FSIP1: variants seen among roughly 807,000 people sequenced by gnomAD.
FSIP1 encodes fibrous sheath-interacting protein 1.
Under a neutral mutation model 60.9 loss-of-function variants are expected in FSIP1, and 65 were observed. That is an observed-to-expected ratio of 1.07 (90% CI 0.87 to 1.31). The LOEUF is 1.31. FSIP1 is among the 40% of genes most tolerant of loss of function. The probability of loss-of-function intolerance (pLI) is 0.00; values close to 1 mark genes in which losing one functional copy is unlikely to be tolerated. For synonymous variants in FSIP1, 209 were observed against 221.2 expected (o/e 0.94, Z 0.49); for missense variants, 675 against 665.5 (o/e 1.01, Z -0.16).
intron 9 of FSIP1, among the ~76,000 whole-genome samples, chr15:39,716,876 G>A (rs1000934119): frequency 6.1e-5 from 9 of 146,656 alleles, no homozygotes; most frequent in South Asian, 2.2e-4. Context: ...GTGCAGTGGC[G>A]CAATCCTGGC....
intron 10 of FSIP1, among the ~76,000 whole-genome samples, chr15:39,686,730 G>C (rs1306839367): frequency 6.6e-6 from 1 of 152,190 alleles, no homozygotes; most frequent in East Asian, 1.9e-4. Flanking sequence ...AGTTTTAAAA[G>C]ATTTTTTAAA....
chr15:39,768,744 C>G (rs1897775407), intron 3 of FSIP1, among the ~76,000 whole-genome samples: 1 of 152,184 alleles, frequency 6.6e-6, no homozygotes, highest in Admixed American at 6.5e-5. Context: ...TGATACTACA[C>G]CAAAACTTAA....
At chr15:39,722,912 C>T (rs527931662) in intron 9 of FSIP1, among the ~76,000 whole-genome samples, 6 of 151,806 alleles carry the variant, frequency 4.0e-5, no homozygotes, top group African/African-American at 1.5e-4. Flanking sequence ...GCCTGGGTGA[C>T]AAGCGAGACC....
intron 9 of FSIP1, among the ~76,000 whole-genome samples, chr15:39,721,543 TCAGAGATCAAG>T (rs1250765431): frequency 1.3e-5 from 2 of 152,172 alleles, no homozygotes; most frequent in African/African-American, 4.8e-5. Flanking sequence ...TACCTTGAGG[TCAGAGATCAAG>T]CTTCATACTA....
chr15:39,597,706 A>G (rs956163108), downstream of FSIP1: 11 of 152,240 alleles, frequency 7.2e-5, no homozygotes, highest in Non-Finnish European at 1.3e-4. Flanking sequence ...AAAAACATAT[A>G]AAAGAGAAAT....
chr15:39,607,630 T>C (rs938322441), intron 11 of FSIP1, among the ~76,000 whole-genome samples: 4 of 152,242 alleles, frequency 2.6e-5, no homozygotes, highest in African/African-American at 9.6e-5. Flanking sequence ...CAAATCCTTA[T>C]TTTTCAATAC....
At chr15:39,706,953 T>C (rs1395252334) in intron 10 of FSIP1, among the ~76,000 whole-genome samples, 1 of 152,188 alleles carries the variant, frequency 6.6e-6, no homozygotes, top group Non-Finnish European at 1.5e-5. Context: ...TATTCTAATC[T>C]GTGTACAGTA....
chr15:39,617,333 A>G (rs949178154), intron 11 of FSIP1, among the ~76,000 whole-genome samples: 4 of 152,194 alleles, frequency 2.6e-5, no homozygotes, highest in Admixed American at 1.3e-4. Flanking sequence ...AACTAATATA[A>G]CCACAATGAG....
intron 10 of FSIP1, 141 bp from the exon 11 acceptor site, chr15:39,618,386 G>T: frequency 1.4e-6 from 1 of 703,986 alleles, no homozygotes; most frequent in Non-Finnish European, 2.3e-6. Flanking sequence ...TCATTGTAAA[G>T]TATCCAAAAC....
intron 10 of FSIP1, among the ~76,000 whole-genome samples, chr15:39,620,310 G>A (rs1891393575): frequency 6.6e-6 from 1 of 151,972 alleles, no homozygotes; most frequent in African/African-American, 2.4e-5. Flanking sequence ...AGAAACAAGG[G>A]GTGTTTGCAC....
At chr15:39,716,551 C>T (rs1348256367) in intron 9 of FSIP1, among the ~76,000 whole-genome samples, 3 of 152,150 alleles carry the variant, frequency 2.0e-5, no homozygotes, top group Middle Eastern at 3.2e-3. Flanking sequence ...AAATGACAAT[C>T]AAATTCTATA....
At chr15:39,654,277 G>A (rs1208434571) in intron 10 of FSIP1, among the ~76,000 whole-genome samples, 1 of 152,152 alleles carries the variant, frequency 6.6e-6, no homozygotes, top group Non-Finnish European at 1.5e-5. Context: ...ATAATTGTAT[G>A]TGCCATACTT....
intron 5 of FSIP1, among the ~76,000 whole-genome samples, chr15:39,762,673 T>C (rs1384633848): frequency 6.6e-6 from 1 of 152,168 alleles, no homozygotes; most frequent in African/African-American, 2.4e-5. Flanking sequence ...TTCCTCTGAG[T>C]GAGCATTCTA....
At position 39,641,414 on chromosome 15, in the gene FSIP1, T is replaced by G. The variant is rs891946656; in HGVS notation, c.1189-23169A>C. 7.0e-4 allele frequency among the ~76,000 whole-genome samples: 107 copies of G among 152,130 alleles called. 7 individuals are homozygous for G. Among genetic ancestry groups the G allele is most frequent in the Non-Finnish European group, 1.8e-4 (12 of 68,028 alleles). ...TCACCAATGGGTAAAAACACACGAC[T>G]TCCCTGGATGCCTGTCATTTGCCTC... is the stretch of plus-strand genomic sequence containing the variant. On this transcript the variant is annotated intron_variant, in intron 10 of 11. Transcript: ENST00000350221.
chr15:39,616,437 A>C (rs1158000560), intron 11 of FSIP1, among the ~76,000 whole-genome samples: 2 of 150,676 alleles, frequency 1.3e-5, no homozygotes, highest in Admixed American at 1.3e-4. Flanking sequence ...AAGTGCTTGG[A>C]CATTCACAGA....
At chr15:39,635,919 A>T (rs1892117998) in intron 10 of FSIP1, among the ~76,000 whole-genome samples, 1 of 152,142 alleles carries the variant, frequency 6.6e-6, no homozygotes, top group Non-Finnish European at 1.5e-5. Context: ...GTCTACAGAG[A>T]ACAGCCAAAT....
intron 10 of FSIP1, among the ~76,000 whole-genome samples, chr15:39,703,856 A>G (rs984483346): frequency 6.6e-6 from 1 of 152,200 alleles, no homozygotes; most frequent in African/African-American, 2.4e-5. Context: ...AATAACTTTT[A>G]AAAGGTTACT....
chr15:39,738,777 T>C (rs569438522), intron 7 of FSIP1, among the ~76,000 whole-genome samples: 11 of 152,252 alleles, frequency 7.2e-5, no homozygotes, highest in African/African-American at 2.6e-4. Flanking sequence ...CAGAACAAGA[T>C]GGAGGTTTCC....
At chr15:39,630,488 T>A (rs1191360548) in intron 10 of FSIP1, among the ~76,000 whole-genome samples, 1 of 152,220 alleles carries the variant, frequency 6.6e-6, no homozygotes, top group African/African-American at 2.4e-5. Flanking sequence ...TAGGTGGGTA[T>A]CCAGACCAGC....
Sources: gnomAD v4.1 joint callset for allele counts (sites outside exome capture counted in the v4.1 genomes callset) on GRCh38, gnomAD v4.1.1 for gene constraint, MANE v1.5 for transcripts, NCBI Gene and HGNC (gene_info 2026-07-23, HGNC 2026-07-21) for gene names.